The following MBD5 variants were observed in gnomAD, a reference collection of about 807,000 sequenced individuals.
The protein encoded by MBD5 is methyl-CpG binding domain protein 5, also known as methyl-CpG-binding domain protein 5.
A neutral mutation model predicts 117.3 loss-of-function variants in MBD5; 13 were observed. That is an observed-to-expected ratio of 0.11 (90% CI 0.07 to 0.18). The LOEUF (loss-of-function observed/expected upper bound fraction) is 0.18. Among genes scored for constraint, MBD5 ranks in the 10% least tolerant of loss-of-function variants. The pLI is 1.00. For missense variants in MBD5, 1,879 were observed against 2,093.8 expected (o/e 0.90, Z 2.00); for synonymous variants, 727 against 766.4 (o/e 0.95, Z 0.85).
chr2:148,291,185 G>A lies in MBD5; in HGVS notation c.-679-51029G>A, dbSNP rs566567850. On this transcript the variant is annotated intron_variant, in intron 3 of 13. Coordinates refer to ENST00000642680, the MANE Select transcript of MBD5 (RefSeq NM_001378120.1). ...AAATGGTGTGTTTGGGCTATTCTAC[G>A]TTCTATCAATTTCCATGTGAATTTT... Among the ~76,000 whole-genome samples, 13 of 152,144 alleles carry A rather than the reference G, an allele frequency of 8.5e-5. No homozygotes were observed. The South Asian group carries it at 2.3e-3, about 27-fold the overall frequency.
chr2:148,074,577 T>C (rs972154824), intron 1 of MBD5, among the ~76,000 whole-genome samples: 1 of 143,136 alleles, frequency 7.0e-6, no homozygotes, highest in Non-Finnish European at 1.5e-5. Context: ...CTCGGCTCAC[T>C]GCAACCTCTG....
intron 1 of MBD5, among the ~76,000 whole-genome samples, chr2:148,156,340 C>T (rs2105711389): frequency 6.6e-6 from 1 of 152,328 alleles, no homozygotes; most frequent in Middle Eastern, 3.4e-3. Context: ...TGTACACTAA[C>T]AGGAAAGAAC....
chr2:148,198,756 A>G (rs1699057999), intron 2 of MBD5, among the ~76,000 whole-genome samples: 1 of 152,010 alleles, frequency 6.6e-6, no homozygotes, highest in Non-Finnish European at 1.5e-5. Flanking sequence ...TGAAATTAAA[A>G]TATTCTTCTA....
At chr2:148,321,041 A>T (rs1290486636) in intron 3 of MBD5, among the ~76,000 whole-genome samples, 3 of 152,196 alleles carry the variant, frequency 2.0e-5, no homozygotes, top group African/African-American at 7.2e-5. Flanking sequence ...TCAAACCTAT[A>T]TGCCAAAGGG....
At chr2:148,050,321 C>T (rs200882401) in intron 1 of MBD5, among the ~76,000 whole-genome samples, 7 of 152,124 alleles carry the variant, frequency 4.6e-5, no homozygotes, top group Admixed American at 1.3e-4. Flanking sequence ...TAGCCATTTG[C>T]ATACCTTCTT....
chr2:148,068,652 C>G (rs1695271436), intron 1 of MBD5: 1 of 152,140 alleles, frequency 6.6e-6, no homozygotes, highest in African/African-American at 2.4e-5. Context: ...GTGCATTCAT[C>G]AAATATTCTC....
rs1574093105 is a variant in MBD5, at chr2:148,172,515, C to T, written c.-924-6185C>T. ...GGCTGGGGCAGGCCTGTTGGCTATT[C>T]CCCTCCACAGGAATAGCCTGGCTGC... On this transcript the variant is annotated intron_variant, in intron 1 of 13. Transcript: ENST00000642680. Among the ~76,000 whole-genome samples, 5 of 152,176 alleles carry T rather than the reference C, an allele frequency of 3.3e-5. 1 individual carries two copies. In the South Asian group the frequency reaches 1.0e-3, roughly 31 times the overall value.
intron 3 of MBD5, among the ~76,000 whole-genome samples, chr2:148,294,349 C>T (rs1192792709): frequency 2.4e-4 from 36 of 150,870 alleles, no homozygotes; most frequent in African/African-American, 6.9e-4. Flanking sequence ...CTCAGCCTCC[C>T]GAGTAGCTGG....
intron 1 of MBD5, among the ~76,000 whole-genome samples, chr2:148,022,582 A>T (rs1244054205): frequency 6.6e-6 from 1 of 152,216 alleles, no homozygotes; most frequent in Non-Finnish European, 1.5e-5. Context: ...ATGGAAGGCC[A>T]AACCTCTCCA....
At chr2:148,414,384 G>T (rs1395907542) in intron 4 of MBD5, among the ~76,000 whole-genome samples, 1 of 152,150 alleles carries the variant, frequency 6.6e-6, no homozygotes, top group African/African-American at 2.4e-5. Context: ...ACAGCCAAAT[G>T]TGCAGTCAGT....
In MBD5 at chr2:148,469,233, T is replaced by C; in HGVS notation, c.1290T>C (p.Ala430=). The change falls in exon 8 of 14, where the codon GCT becomes GCC. Residue 430 remains alanine (A), a synonymous_variant. Transcript: ENST00000642680. The part of the protein sequence containing the change: ...GSHVQRVQHS[A]STSLSPSPVT... ...ATGTACAAAGAGTTCAGCATTCAGC[T>C]TCAACCTCCCTGTCCCCTTCTCCAG... 6.2e-7 allele frequency: 1 copy of C among 1,613,992 alleles called. No homozygotes were observed. Among genetic ancestry groups the C allele is most frequent in the Non-Finnish European group, 8.5e-7 (1 of 1,179,948 alleles).
intron 1 of MBD5, among the ~76,000 whole-genome samples, chr2:148,110,253 C>T (rs1379452701): frequency 1.3e-5 from 2 of 152,236 alleles, no homozygotes; most frequent in Non-Finnish European, 1.5e-5. Context: ...GCTAGTGAGA[C>T]GTTGAGCCAG....
chr2:148,388,932 C>G (rs1704463271), intron 4 of MBD5, among the ~76,000 whole-genome samples: 1 of 151,742 alleles, frequency 6.6e-6, no homozygotes, highest in Admixed American at 6.6e-5. Flanking sequence ...CTCCATTACC[C>G]AAATAGTGAA....
intron 3 of MBD5, among the ~76,000 whole-genome samples, chr2:148,297,630 A>G (rs1701685651): frequency 6.6e-6 from 1 of 152,136 alleles, no homozygotes; most frequent in Non-Finnish European, 1.5e-5. Context: ...TTTGAAGTTT[A>G]TTCTGACTCC....
At chr2:148,076,646 C>T (rs1435440215) in intron 1 of MBD5, among the ~76,000 whole-genome samples, 1 of 152,134 alleles carries the variant, frequency 6.6e-6, no homozygotes, top group Non-Finnish European at 1.5e-5. Context: ...TATTGGTGAG[C>T]AGTACAGATA....
At chr2:148,457,410 G>A (rs1310436009) in intron 4 of MBD5, among the ~76,000 whole-genome samples, 1 of 152,074 alleles carries the variant, frequency 6.6e-6, no homozygotes, top group Admixed American at 6.6e-5. Flanking sequence ...TAACAAATGT[G>A]AAGTTGCATT....
chr2:148,050,749 T>G (rs1285260144), intron 1 of MBD5, among the ~76,000 whole-genome samples: 2 of 152,186 alleles, frequency 1.3e-5, no homozygotes, highest in Admixed American at 6.5e-5. Context: ...TTCAGTAATA[T>G]CCTGTTGGTC....
rs139989553 is a variant in MBD5 at position 148,341,809 on chromosome 2, C to T, written c.-679-405C>T. On this transcript the variant is annotated intron_variant, in intron 3 of 13. Coordinates refer to ENST00000642680, the MANE Select transcript of MBD5 (RefSeq NM_001378120.1). ...TCACCATTATATCTCCAGTGCTTCC[C>T]GCAGTACCTGGCACAGAGCAATAAA... Among the ~76,000 whole-genome samples the T allele has an allele frequency of 2.6e-3, 390 of 150,716 alleles. 1 individual carries two copies. The highest frequency in any genetic ancestry group is 9.1e-3 in the African/African-American group (373 of 41,128).
At position 148,367,774 on chromosome 2, in the gene MBD5, T is replaced by C. The variant is rs910589917; in HGVS notation, c.-557+25438T>C. 5.9e-5 allele frequency among the ~76,000 whole-genome samples: 9 copies of C among 152,050 alleles called. 1 individual carries two copies. The highest frequency in any genetic ancestry group is 2.2e-4 in the African/African-American group (9 of 41,386). ...AGAGAAATGCAAATTAAAACCACAA[T>C]GAGATAGCATTTCACACCAGTTAGA... On this transcript the variant is annotated intron_variant, in intron 4 of 13. Coordinates refer to ENST00000642680, the MANE Select transcript of MBD5 (RefSeq NM_001378120.1).
Sources: allele counts gnomAD v4.1 joint callset (sites outside exome capture counted in the v4.1 genomes callset), GRCh38; gene constraint gnomAD v4.1.1; transcripts MANE v1.5; gene names NCBI Gene and HGNC (gene_info 2026-07-23, HGNC 2026-07-21).